KIF5A: variants seen among roughly 807,000 people sequenced by gnomAD.
The protein encoded by KIF5A is kinesin heavy chain isoform 5A.
Under a neutral mutation model 141.3 loss-of-function variants are expected in KIF5A, and 35 were observed. The observed-to-expected ratio is 0.25, with a 90% CI of 0.19 to 0.33. The LOEUF (loss-of-function observed/expected upper bound fraction) is 0.33, where lower values mean the gene tolerates loss of function less well. Among genes scored for constraint, KIF5A ranks in the 10% least tolerant of loss-of-function variants. KIF5A has a pLI of 1.00. For synonymous variants in KIF5A, 448 were observed against 500.2 expected, an observed-to-expected ratio of 0.90 and a Z score of 1.39; for missense variants, 861 against 1,314.3, an observed-to-expected ratio of 0.66 and a Z score of 5.33.
At chr12:57,580,409 CTA>C (rs1882561267) in intron 23 of KIF5A, among the ~76,000 whole-genome samples, 1 of 152,176 alleles carries the variant, frequency 6.6e-6, no homozygotes, top group African/African-American at 2.4e-5. Flanking sequence ...CTCTGCCTGT[CTA>C]TATGTGTATG....
chr12:57,580,155 C>T (rs1412972931), intron 23 of KIF5A, among the ~76,000 whole-genome samples: 2 of 152,142 alleles, frequency 1.3e-5, no homozygotes, highest in Admixed American at 6.5e-5. Context: ...CAGTGTTCCC[C>T]GCTATGCTGA....
At chr12:57,569,154 A>C in intron 9 of KIF5A, 87 bp downstream of exon 9, 1 of 1,560,190 alleles carries the variant, frequency 6.4e-7, no homozygotes. Flanking sequence ...TCATGCCCCA[A>C]TTCATGGGTT....
chr12:57,579,655 A>G (rs1248634046), intron 23 of KIF5A, among the ~76,000 whole-genome samples: 1 of 152,204 alleles, frequency 6.6e-6, no homozygotes, highest in Non-Finnish European at 1.5e-5. Context: ...AAAGGCAGAT[A>G]GGAAACATTT....
chr12:57,575,575 T>G, intron 16 of KIF5A, 65 bp from the exon 17 acceptor site: 1 of 1,316,028 alleles, frequency 7.6e-7, no homozygotes. Context: ...GAGTTGGAGA[T>G]CTGTGTGGCC....
rs971089174 is a variant in KIF5A at position 57,586,181 on chromosome 12, G to A, written c.*2000G>A. 7 of 152,166 alleles carry A rather than the reference G, an allele frequency of 4.6e-5. No homozygotes were observed. The highest frequency in any genetic ancestry group is 8.8e-5 in the Non-Finnish European group (6 of 68,046). 9.4% of individuals were successfully genotyped at this position (152,166 alleles called of 1,614,324 possible). ...TAGGGTGGAAGGAAGGTTCCTGTGGGCCTGTGGACTTAGGCTAATATTTGC... is the reference window on the plus strand; with the variant it reads ...TAGGGTGGAAGGAAGGTTCCTGTGGACCTGTGGACTTAGGCTAATATTTGC... On this transcript the variant is annotated 3_prime_UTR_variant, in exon 29 of 29. Transcript: ENST00000455537.
At chr12:57,562,388 G>T (rs1881935299) in intron 1 of KIF5A, among the ~76,000 whole-genome samples, 1 of 152,128 alleles carries the variant, frequency 6.6e-6, no homozygotes, top group Non-Finnish European at 1.5e-5. Flanking sequence ...GCTAATTTTT[G>T]TATTTTTAGT....
In KIF5A at chr12:57,576,313, C is replaced by T. The variant is rs757945657; in HGVS notation, c.2133C>T (p.His711=). ...LQMESHREAH[H]RQLARLRDEI... ...TGGAGAGTCACCGGGAGGCCCATCACCGGCAGCTGGCCCGGCTCCGGGACG... is the reference window on the plus strand; with the variant it reads ...TGGAGAGTCACCGGGAGGCCCATCATCGGCAGCTGGCCCGGCTCCGGGACG... The change falls in exon 19 of 29, where the codon CAC becomes CAT. Residue 711 remains histidine, a synonymous_variant. Transcript: ENST00000455537. The T allele has an allele frequency of 6.2e-7, 1 of 1,614,074 alleles. No homozygotes were observed. Among genetic ancestry groups the T allele is most frequent in the South Asian group, 1.1e-5 (1 of 91,074 alleles).
intron 8 of KIF5A, among the ~76,000 whole-genome samples, chr12:57,567,896 T>C (rs1882118173): frequency 6.6e-6 from 1 of 151,242 alleles, no homozygotes; most frequent in African/African-American, 2.4e-5. Flanking sequence ...TCTTTTTTTT[T>C]TTTTGAGACG....
At chr12:57,555,844 G>T (rs1881718177) in intron 1 of KIF5A, among the ~76,000 whole-genome samples, 1 of 149,524 alleles carries the variant, frequency 6.7e-6, no homozygotes, top group Non-Finnish European at 1.5e-5. Flanking sequence ...GGGAGGCGAA[G>T]GTTGCAGTGA....
chr12:57,574,652 G>T (rs1208783959), intron 15 of KIF5A, among the ~76,000 whole-genome samples: 1 of 150,898 alleles, frequency 6.6e-6, no homozygotes, highest in Non-Finnish European at 1.5e-5. Flanking sequence ...TGTGATCTCG[G>T]TTCACTGCAA....
chr12:57,571,087 C>T (rs1283107572), intron 12 of KIF5A, among the ~76,000 whole-genome samples: 1 of 152,038 alleles, frequency 6.6e-6, no homozygotes, highest in Admixed American at 6.6e-5. Flanking sequence ...AGGCATGCAC[C>T]ACCAGGCTAG....
Position 57,570,543 on chromosome 12 carries a change from C to T in KIF5A, c.1293+381C>T, listed in dbSNP as rs569997656. Among the ~76,000 whole-genome samples the T allele has an allele frequency of 2.2e-4, 34 of 152,188 alleles. 1 individual carries two copies. In the East Asian group the frequency reaches 3.3e-3, roughly 15 times the overall value. On this transcript the variant is annotated intron_variant, in intron 12 of 28. Coordinates refer to ENST00000455537, the MANE Select transcript of KIF5A (RefSeq NM_004984.4). ...CCTCCAGAGTAGCTGGGATTACAGG[C>T]GCATGCCACCACGCCTGGCTAATTT...
In KIF5A at chr12:57,581,144, G is replaced by A. The variant is rs756801243; in HGVS notation, c.2727G>A (p.Ser909=). ...RIKEAVRYKS[S]GKRGHSAQIA... is the part of the protein sequence containing the mutation. ...AGGAGGCCGTTCGCTACAAGAGCTCGGGCAAACGGGGCCATTCTGCCCAGA... is the reference window on the plus strand; with the variant it reads ...AGGAGGCCGTTCGCTACAAGAGCTCAGGCAAACGGGGCCATTCTGCCCAGA... The change falls in exon 24 of 29, where the codon TCG becomes TCA. Residue 909 remains serine (S), a synonymous_variant. Transcript: ENST00000455537. 27 of 1,613,900 alleles carry A rather than the reference G, an allele frequency of 1.7e-5. No individual in the cohort carries two copies. Among genetic ancestry groups the A allele is most frequent in the Middle Eastern group, 1.7e-4 (1 of 5,966 alleles).
At chr12:57,551,501 C>A (rs1453389183) in intron 1 of KIF5A, among the ~76,000 whole-genome samples, 2 of 152,190 alleles carry the variant, frequency 1.3e-5, no homozygotes, top group African/African-American at 2.4e-5. Flanking sequence ...CCCACTCCCC[C>A]TGAGGTTGGT....
chr12:57,571,232 C>T, intron 12 of KIF5A, 89 bp from the exon 13 acceptor site: 1 of 814,596 alleles, frequency 1.2e-6, no homozygotes, highest in South Asian at 1.4e-5. Context: ...GGATTTTTAT[C>T]AGGATCCTGC....
At position 57,575,697 on chromosome 12, in the gene KIF5A, C is replaced by T. The variant is rs768984357; in HGVS notation, c.1963C>T (p.Arg655Trp). The change falls in exon 17 of 29, where the codon CGG becomes TGG. Residue 655 changes from arginine to tryptophan, a missense_variant. Around this residue, in one of 5 missense-constraint regions of KIF5A, gnomAD observed 482 missense variants for 661.3 expected, o/e 0.73. Transcript: ENST00000455537. The part of the protein sequence containing the change: ...EYMQSVELKK[R>W]HLEESYDSLS... ...CATGCAGAGCGTGGAGCTAAAGAAG[C>T]GGCACCTGGAAGAGTCCTATGACTC... The T allele has an allele frequency of 6.2e-6, 10 of 1,614,058 alleles. No individual in the cohort carries two copies. Among genetic ancestry groups the T allele is most frequent in the East Asian group, 2.2e-5 (1 of 44,900 alleles).
intron 13 of KIF5A, 64 bp from the exon 14 acceptor site, chr12:57,571,997 C>T (rs1882269036): frequency 2.8e-6 from 4 of 1,438,006 alleles, no homozygotes; most frequent in Non-Finnish European, 2.9e-6. Context: ...GCTTCCCAGA[C>T]CCAAGGCCAT....
In KIF5A at chr12:57,551,931, AG is replaced by A. The variant is rs1881588257; in HGVS notation, c.129+1534del. Among the ~76,000 whole-genome samples, 3 of 151,458 alleles carry A rather than the reference AG, an allele frequency of 2.0e-5. No individual in the cohort carries two copies. In the South Asian group the frequency reaches 6.3e-4, roughly 32 times the overall value. On this transcript the variant is annotated intron_variant, in intron 1 of 28. Transcript: ENST00000455537. ...CTGTGTATGTATTTGCCACATGGAG[AG>A]GGCCTCTGTTTCTTTTTGCTTCAGG...
chr12:57,579,852 T>A (rs1292136911), intron 23 of KIF5A, among the ~76,000 whole-genome samples: 1 of 152,066 alleles, frequency 6.6e-6, no homozygotes, highest in Non-Finnish European at 1.5e-5. Flanking sequence ...AACCACACAC[T>A]GTTTCCTTTA....
Sources: allele counts gnomAD v4.1 joint callset (sites outside exome capture counted in the v4.1 genomes callset), GRCh38; gene constraint gnomAD v4.1.1; regional missense constraint gnomAD v4.1.1; transcripts MANE v1.5; gene names NCBI Gene and HGNC (gene_info 2026-07-23, HGNC 2026-07-21).